Variants in MAST3 observed in about 807,000 individuals in gnomAD.
MAST3 encodes the protein microtubule associated serine/threonine kinase 3, also known as microtubule-associated serine/threonine-protein kinase 3.
A neutral mutation model predicts 127.0 loss-of-function variants in MAST3; 43 were observed. The observed-to-expected ratio is 0.34, with a 90% CI of 0.27 to 0.44. The LOEUF is 0.44. Ranked by LOEUF, MAST3 falls within the 20% of genes least tolerant of loss-of-function variation. The pLI is 1.00. For missense variants in MAST3, 1,390 were observed against 1,919.1 expected, an observed-to-expected ratio of 0.72 and a Z score of 5.15; for synonymous variants, 785 against 809.2, an observed-to-expected ratio of 0.97 and a Z score of 0.51.
intron 11 of MAST3, among the ~76,000 whole-genome samples, chr19:18,126,310 C>T (rs1335736087): frequency 1.3e-5 from 2 of 152,142 alleles, no homozygotes; most frequent in African/African-American, 4.8e-5. Flanking sequence ...CCTGGTCCAG[C>T]AGTAGCCAGG....
At chr19:18,100,212 C>T (rs982373096) in intron 1 of MAST3, among the ~76,000 whole-genome samples, 1 of 151,028 alleles carries the variant, frequency 6.6e-6, no homozygotes, top group African/African-American at 2.4e-5. Flanking sequence ...GCAACCTCCA[C>T]CTCCCGGGTT....
intron 15 of MAST3, among the ~76,000 whole-genome samples, chr19:18,133,688 G>A (rs1051715476): frequency 1.3e-5 from 2 of 151,222 alleles, no homozygotes; most frequent in African/African-American, 4.9e-5. Context: ...CAATTAGCTG[G>A]GATTACAGGC....
rs199613404 is a variant in MAST3 at position 18,145,202 on chromosome 19, C to T, written c.3012C>T (p.Asp1004=). The change falls in exon 24 of 28, where the codon GAC becomes GAT. Residue 1004 remains aspartate, a synonymous_variant. Transcript: ENST00000687212. The surrounding 1 kb of genome is among the most constrained non-coding windows in gnomAD (Gnocchi z 5.9). ...RAIRVYMGDS[D]VYTVHHVVWS... Reference sequence around the variant, plus strand: ...TCCGCGTCTACATGGGTGATAGCGACGTCTACACTGTGCACCACGTCGTCT... The same window carrying T: ...TCCGCGTCTACATGGGTGATAGCGATGTCTACACTGTGCACCACGTCGTCT... 6.4e-5 allele frequency: 104 copies of T among 1,613,778 alleles called. No homozygotes were observed. The highest frequency in any genetic ancestry group is 1.5e-4 in the African/African-American group (11 of 74,994).
At chr19:18,131,760 C>A in intron 14 of MAST3, 149 bp from the exon 15 acceptor site, 1 of 799,868 alleles carries the variant, frequency 1.3e-6, no homozygotes. Context: ...CTTCCCTCTC[C>A]CCCGACCCTC....
intron 26 of MAST3, 120 bp downstream of exon 26, chr19:18,147,164 C>T (rs1202253669): frequency 9.8e-7 from 1 of 1,019,634 alleles, no homozygotes; most frequent in Non-Finnish European, 1.3e-6. Flanking sequence ...AGTGCAGTGG[C>T]TCAATCTCGG....
At chr19:18,122,910 CCT>C (rs748412229) in intron 6 of MAST3, among the ~76,000 whole-genome samples, 159 bp downstream of exon 6, 2 of 152,230 alleles carry the variant, frequency 1.3e-5, no homozygotes, top group Admixed American at 1.3e-4. Flanking sequence ...TGCAGGGTCC[CCT>C]GAGAAGACCC....
intron 1 of MAST3, among the ~76,000 whole-genome samples, chr19:18,103,517 G>A (rs1187032828): frequency 3.3e-5 from 5 of 152,062 alleles, no homozygotes; most frequent in South Asian, 4.1e-4. Flanking sequence ...CAGCCTGGGC[G>A]ACAGAGCAAG....
At chr19:18,131,825 T>C in intron 14 of MAST3, 84 bp from the exon 15 acceptor site, 2 of 1,441,294 alleles carry the variant, frequency 1.4e-6, no homozygotes, top group Non-Finnish European at 1.9e-6. Flanking sequence ...GCGAGGAGGA[T>C]GCATAGGCAT....
Position 18,135,769 on chromosome 19 carries a change from G to T in MAST3, c.1900G>T (p.Ala634Ser). 6.2e-7 allele frequency: 1 copy of T among 1,612,326 alleles called. No homozygotes were observed. The highest frequency in any genetic ancestry group is 1.3e-5 in the African/African-American group (1 of 74,996). Residue 634 changes from alanine to serine, a missense_variant, in exon 18 of 28, where the codon GCC (alanine) becomes TCC (serine). By Grantham distance (99) the Ala-to-Ser change is moderately conservative. This residue lies in a region of MAST3 where 191 missense variants were observed against 409.0 expected (regional missense o/e 0.47). Coordinates refer to ENST00000687212, the MANE Select transcript of MAST3 (RefSeq NM_001393504.1). The stretch of plus-strand genomic sequence containing the variant: ...GATCATGTGGCCAGAGGGAGATGAG[G>T]CCCTTCCAGCAGACGCCCAGGACCT... ...DEIMWPEGDEALPADAQDLIT... is the reference protein window; with the variant it reads ...DEIMWPEGDESLPADAQDLIT...
chr19:18,126,092 C>T (rs4808116), intron 11 of MAST3, among the ~76,000 whole-genome samples: 77,826 of 151,548 alleles, frequency 0.51, 20,181 homozygotes, highest in East Asian at 0.68. Flanking sequence ...TGTAGTAGTG[C>T]GCGCCTGTAG....
At chr19:18,126,931 C>T (rs1009326149) in intron 11 of MAST3, among the ~76,000 whole-genome samples, 17 of 151,872 alleles carry the variant, frequency 1.1e-4, no homozygotes, top group African/African-American at 3.9e-4. Context: ...CAGGCGCCCG[C>T]CACCACGCCC....
At chr19:18,141,536 C>A (rs2042491119) in intron 20 of MAST3, among the ~76,000 whole-genome samples, 1 of 151,932 alleles carries the variant, frequency 6.6e-6, no homozygotes, top group Non-Finnish European at 1.5e-5. Flanking sequence ...CCACGCCCAG[C>A]TAATTTTTGT....
chr19:18,123,372 C>T lies in MAST3; in HGVS notation c.555C>T (p.Leu185=), dbSNP rs753712018. 1 of 1,610,520 alleles carries T rather than the reference C, an allele frequency of 6.2e-7. No individual in the cohort carries two copies. The highest frequency in any genetic ancestry group is 8.5e-7 in the Non-Finnish European group (1 of 1,178,872). Residue 185 remains leucine (L), a splice_region_variant and synonymous_variant, in exon 7 of 28, where the codon CTC becomes CTT. Transcript: ENST00000687212. ...SPRLRPRSRS[L]SPGRATGTFD... ...GCCTCCGACCCCGCTCTCGCAGTCTCAGGTGGGCCGCGACCTCTGGCCCCA... is the reference window on the plus strand; with the variant it reads ...GCCTCCGACCCCGCTCTCGCAGTCTTAGGTGGGCCGCGACCTCTGGCCCCA...
chr19:18,108,521 G>A (rs986376743), intron 2 of MAST3, among the ~76,000 whole-genome samples: 1 of 151,854 alleles, frequency 6.6e-6, no homozygotes, highest in South Asian at 2.1e-4. Flanking sequence ...CTACACATGC[G>A]AGCCTCCACA....
At chr19:18,120,789 C>T (rs1353317719) in intron 3 of MAST3, among the ~76,000 whole-genome samples, 3 of 152,004 alleles carry the variant, frequency 2.0e-5, no homozygotes, top group African/African-American at 4.8e-5. Context: ...TGTAACGGCA[C>T]GATCTCACCA....
At chr19:18,123,908 T>A (rs1265121010) in intron 8 of MAST3, 31 bp from the exon 9 acceptor site, 1 of 1,533,340 alleles carries the variant, frequency 6.5e-7, no homozygotes, top group Non-Finnish European at 8.7e-7. Context: ...CCCCGCCCTC[T>A]GACCAGGTCG....
chr19:18,101,147 CT>C (rs2037573394), intron 1 of MAST3, among the ~76,000 whole-genome samples: 1 of 152,148 alleles, frequency 6.6e-6, no homozygotes, highest in African/African-American at 2.4e-5. Flanking sequence ...CATTTATCAT[CT>C]CCTACTTGGA....
At chr19:18,107,758 A>G (rs2038189938) in intron 2 of MAST3, 140 bp downstream of exon 2, 1 of 953,564 alleles carries the variant, frequency 1.0e-6, no homozygotes, top group South Asian at 1.6e-5. Context: ...TCGTGTTTGC[A>G]AAGTGCTTCA....
Position 18,146,983 on chromosome 19 carries a change from A to T in MAST3, c.3265A>T (p.Ser1089Cys). The change falls in exon 26 of 28, where the codon AGC (serine) becomes TGC (cysteine). Residue 1089 changes from serine to cysteine, a missense_variant. Physicochemically the swap from Ser to Cys is moderately radical, Grantham distance 112. This residue lies in a region of MAST3 where 816 missense variants were observed against 934.1 expected (regional missense o/e 0.87). Transcript: ENST00000687212. ...GGCCAAGGGCCGCATGGCACGCAGG[A>T]GCAAGAGGAGCCGTCGGCGGGAGAC... ...NVAKGRMARR[S>C]KRSRRRETQD... is the part of the protein sequence containing the mutation. 1 of 1,567,730 alleles carries T rather than the reference A, an allele frequency of 6.4e-7. No individual in the cohort carries two copies. The highest frequency in any genetic ancestry group is 8.6e-7 in the Non-Finnish European group (1 of 1,156,660).
Sources: allele counts gnomAD v4.1 joint callset (sites outside exome capture counted in the v4.1 genomes callset), GRCh38; gene constraint gnomAD v4.1.1; regional missense constraint gnomAD v4.1.1; non-coding constraint Gnocchi (gnomAD v3.1); transcripts MANE v1.5; gene names NCBI Gene and HGNC (gene_info 2026-07-23, HGNC 2026-07-21).